Variants in COL23A1 observed in about 807,000 individuals in gnomAD.
COL23A1 encodes the protein collagen alpha-1(XXIII) chain.
Under a neutral mutation model 99.3 loss-of-function variants are expected in COL23A1, and 97 were observed. The observed-to-expected ratio is 0.98, with a 90% CI of 0.83 to 1.16. COL23A1 has a LOEUF of 1.16. Ranked by LOEUF, COL23A1 falls within the 50% of genes most tolerant of loss-of-function variation. COL23A1 has a pLI of 0.00. For missense variants in COL23A1, 762 were observed against 757.4 expected, an observed-to-expected ratio of 1.01 and a Z score of -0.07; for synonymous variants, 320 against 308.2, an observed-to-expected ratio of 1.04 and a Z score of -0.40.
chr5:178,240,821 G>C (rs1039851029), intron 27 of COL23A1, among the ~76,000 whole-genome samples: 1 of 152,244 alleles, frequency 6.6e-6, no homozygotes, highest in African/African-American at 2.4e-5. Context: ...ACACATCCCC[G>C]TGGCTGGAGT....
At chr5:178,491,914 T>C (rs979101859) in intron 2 of COL23A1, among the ~76,000 whole-genome samples, 1 of 152,020 alleles carries the variant, frequency 6.6e-6, no homozygotes, top group Non-Finnish European at 1.5e-5. Context: ...TTTGTATTTT[T>C]AGTGGAGACG....
At chr5:178,259,851 G>T (rs535305703) in intron 11 of COL23A1, 104 bp from the exon 12 acceptor site, 14 of 1,104,406 alleles carry the variant, frequency 1.3e-5, no homozygotes, top group Middle Eastern at 2.1e-4. Flanking sequence ...CTGATGACCC[G>T]TGCCCAGGGC....
At chr5:178,560,290 A>T (rs1215582310) in intron 2 of COL23A1, among the ~76,000 whole-genome samples, 1 of 152,230 alleles carries the variant, frequency 6.6e-6, no homozygotes, top group Non-Finnish European at 1.5e-5. Flanking sequence ...TACCTTCTGC[A>T]CGTCTGACAT....
At position 178,460,424 on chromosome 5, in the gene COL23A1, C is replaced by T. The variant is rs1051826495; in HGVS notation, c.361+100258G>A. Among the ~76,000 whole-genome samples, 3 of 151,774 alleles carry T rather than the reference C, an allele frequency of 2.0e-5. No individual in the cohort carries two copies. In the East Asian group the frequency reaches 5.8e-4, roughly 29 times the overall value. ...GCAGTGCCAGGTGGGCTGCTGGGAT[C>T]TGTAAGGAAAGCTCTGTCAAGTGGA... On this transcript the variant is annotated intron_variant, in intron 2 of 28. Transcript: ENST00000390654.
chr5:178,455,263 G>A (rs946080702), intron 2 of COL23A1, among the ~76,000 whole-genome samples: 1 of 152,196 alleles, frequency 6.6e-6, no homozygotes, highest in Non-Finnish European at 1.5e-5. Flanking sequence ...TCACGCACGG[G>A]CCTGCCCGTG....
intron 1 of COL23A1, among the ~76,000 whole-genome samples, chr5:178,585,036 G>GCCA (rs1763855941): frequency 2.0e-5 from 3 of 152,332 alleles, no homozygotes; most frequent in Admixed American, 6.5e-5. Flanking sequence ...ACGGGACTGT[G>GCCA]CCAGAGACAA....
intron 2 of COL23A1, among the ~76,000 whole-genome samples, chr5:178,523,161 T>TAC (rs1163906975): frequency 3.3e-5 from 3 of 90,874 alleles, no homozygotes; most frequent in Non-Finnish European, 4.8e-5. Flanking sequence ...TATATATATA[T>TAC]ACATATATAT....
In COL23A1 at chr5:178,502,187, A is replaced by T. The variant is rs145730276; in HGVS notation, c.361+58495T>A. On this transcript the variant is annotated intron_variant, in intron 2 of 28. Transcript: ENST00000390654. ...CGCTCTGTCGCCCAGGCTGGAGTGC[A>T]GTGGCGTGATCTCGGCCCACTGCAA... 3.2e-3 allele frequency among the ~76,000 whole-genome samples: 493 copies of T among 152,326 alleles called. 5 individuals are homozygous for T. The highest frequency in any genetic ancestry group is 9.9e-3 in the African/African-American group (411 of 41,570).
At chr5:178,258,262 T>TATATATATATATACATATACATAC in intron 12 of COL23A1, among the ~76,000 whole-genome samples, 1 of 104,128 alleles carries the variant, frequency 9.6e-6, no homozygotes, top group East Asian at 2.5e-4. Context: ...TATATATATA[T>TATATATATATATACATATACATAC]ACACATGCAA....
intron 3 of COL23A1, among the ~76,000 whole-genome samples, chr5:178,300,457 G>A (rs1050158288): frequency 4.6e-5 from 7 of 152,008 alleles, no homozygotes; most frequent in South Asian, 4.2e-4. Flanking sequence ...TCCTACTGCC[G>A]TTTGGCTTTC....
intron 3 of COL23A1, among the ~76,000 whole-genome samples, chr5:178,295,924 G>C (rs1353598703): frequency 6.6e-6 from 1 of 152,248 alleles, no homozygotes; most frequent in Non-Finnish European, 1.5e-5. Context: ...TCTAGGTGTG[G>C]GTGCAAGGAA....
At chr5:178,495,975 T>C (rs1581503265) in intron 2 of COL23A1, among the ~76,000 whole-genome samples, 1 of 152,262 alleles carries the variant, frequency 6.6e-6, no homozygotes, top group Admixed American at 6.5e-5. Flanking sequence ...AAGTCTATGG[T>C]AAGTGGCAGA....
At chr5:178,543,520 T>C (rs1761410920) in intron 2 of COL23A1, among the ~76,000 whole-genome samples, 1 of 152,150 alleles carries the variant, frequency 6.6e-6, no homozygotes, top group African/African-American at 2.4e-5. Context: ...TGTTCAGTTA[T>C]GAAATAAGCC....
chr5:178,558,421 ATC>A (rs766847369), intron 2 of COL23A1, among the ~76,000 whole-genome samples: 19 of 152,158 alleles, frequency 1.2e-4, no homozygotes, highest in Middle Eastern at 3.4e-3. Flanking sequence ...TCCAGCCATC[ATC>A]TGTCTTGGGG....
chr5:178,578,686 C>T (rs1763516392), intron 1 of COL23A1, among the ~76,000 whole-genome samples: 1 of 128,824 alleles, frequency 7.8e-6, no homozygotes, highest in Non-Finnish European at 1.6e-5. Flanking sequence ...CCCAAAAATT[C>T]CGTGGCTACA....
chr5:178,526,079 G>C lies in COL23A1; in HGVS notation c.361+34603C>G, dbSNP rs185820462. ...TGCTGGGAAGGAAGAAAGCACAAGG[G>C]CTGCAGTAACCCAAGAGGGCTTCCT... On this transcript the variant is annotated intron_variant, in intron 2 of 28. Coordinates refer to ENST00000390654, the MANE Select transcript of COL23A1 (RefSeq NM_173465.4). Among the ~76,000 whole-genome samples the C allele has an allele frequency of 1.5e-3, 233 of 152,376 alleles. 1 individual carries two copies. The highest frequency in any genetic ancestry group is 2.5e-3 in the Admixed American group (38 of 15,308).
At chr5:178,252,370 C>T (rs928840342) in intron 17 of COL23A1, among the ~76,000 whole-genome samples, 174 bp downstream of exon 17, 2 of 152,140 alleles carry the variant, frequency 1.3e-5, no homozygotes, top group Non-Finnish European at 2.9e-5. Context: ...CAGAGTAGAT[C>T]GAGCCCAGGA....
intron 5 of COL23A1, among the ~76,000 whole-genome samples, chr5:178,282,019 T>C (rs1243829880): frequency 1.5e-5 from 2 of 130,994 alleles, no homozygotes; most frequent in Non-Finnish European, 3.1e-5. Flanking sequence ...GCCACTGCAC[T>C]CCAGCCTGGG....
chr5:178,446,046 C>T (rs7708959), intron 2 of COL23A1, among the ~76,000 whole-genome samples: 9 of 151,852 alleles, frequency 5.9e-5, no homozygotes, highest in African/African-American at 1.9e-4. Flanking sequence ...TCTTTAATTA[C>T]GTTAATTCAA....
Sources: gnomAD v4.1 joint callset for allele counts (sites outside exome capture counted in the v4.1 genomes callset) on GRCh38, gnomAD v4.1.1 for gene constraint, MANE v1.5 for transcripts, NCBI Gene and HGNC (gene_info 2026-07-23, HGNC 2026-07-21) for gene names.